Variants in NPAS3 observed in about 807,000 individuals in gnomAD.
NPAS3 encodes the protein neuronal PAS domain protein 3.
Under a neutral mutation model 73.1 loss-of-function variants are expected in NPAS3, and 14 were observed. The observed-to-expected ratio is 0.19, with a 90% confidence interval of 0.13 to 0.30. The LOEUF is 0.30. Ranked by LOEUF, NPAS3 falls within the 10% of genes least tolerant of loss-of-function variation. The pLI is 1.00. For missense variants in NPAS3, 1,096 were observed against 1,250.0 expected (o/e 0.88, Z 1.86); for synonymous variants, 620 against 541.5 (o/e 1.14, Z -2.01).
rs1026809137 is a variant in NPAS3, at chr14:33,391,109, T to G, written c.468+23841T>G. ...CAAGGCACAGAAGTCTGAAATAGTGTAAAACAAAAACAAATAATCAAATAT... is the reference window on the plus strand; with the variant it reads ...CAAGGCACAGAAGTCTGAAATAGTGGAAAACAAAAACAAATAATCAAATAT... On this transcript the variant is annotated intron_variant, in intron 4 of 11. Coordinates refer to ENST00000356141, the Ensembl canonical transcript of NPAS3. 4.7e-5 allele frequency among the ~76,000 whole-genome samples: 7 copies of G among 150,264 alleles called. No individual in the cohort carries two copies. The South Asian group carries it at 1.5e-3, about 31-fold the overall frequency.
At chr14:33,778,377 A>G in intron 8 of NPAS3, 89 bp from the exon 9 acceptor site, 1 of 916,342 alleles carries the variant, frequency 1.1e-6, no homozygotes, top group Non-Finnish European at 1.8e-6. Context: ...GTATAATGAA[A>G]TGTGTCAGTA....
At chr14:33,581,793 C>T (rs1310424005) in intron 5 of NPAS3, among the ~76,000 whole-genome samples, 1 of 152,062 alleles carries the variant, frequency 6.6e-6, no homozygotes, top group Non-Finnish European at 1.5e-5. Context: ...AGGCTGGTCT[C>T]GAATTTCTGG....
intron 7 of NPAS3, among the ~76,000 whole-genome samples, chr14:33,758,395 C>T (rs1265612825): frequency 2.0e-5 from 3 of 152,230 alleles, no homozygotes; most frequent in African/African-American, 7.2e-5. Flanking sequence ...CTCCTCTTTG[C>T]TACTTCTGCA....
intron 7 of NPAS3, among the ~76,000 whole-genome samples, chr14:33,741,479 G>A (rs1364775439): frequency 6.6e-6 from 1 of 152,092 alleles, no homozygotes; most frequent in Non-Finnish European, 1.5e-5. Flanking sequence ...ATAGAGGAGA[G>A]AACCAATAAA....
chr14:33,035,893 A>G (rs1037580574), intron 1 of NPAS3, among the ~76,000 whole-genome samples: 4 of 152,172 alleles, frequency 2.6e-5, no homozygotes, highest in African/African-American at 7.2e-5. Flanking sequence ...TGTGGCTTTC[A>G]TAGAATTGTC....
chr14:33,758,040 T>C (rs2062168824), intron 7 of NPAS3, among the ~76,000 whole-genome samples: 1 of 152,214 alleles, frequency 6.6e-6, no homozygotes, highest in African/African-American at 2.4e-5. Flanking sequence ...ATGAATGTTG[T>C]CACACTCCTA....
intron 2 of NPAS3, among the ~76,000 whole-genome samples, chr14:33,122,708 A>T (rs1290203): frequency 1.3e-5 from 2 of 151,778 alleles, no homozygotes; most frequent in East Asian, 3.9e-4. Flanking sequence ...TACAGGTTTC[A>T]CTCTTAACAC....
chr14:33,012,255 T>A (rs1442097534), intron 1 of NPAS3, among the ~76,000 whole-genome samples: 1 of 152,198 alleles, frequency 6.6e-6, no homozygotes, highest in Non-Finnish European at 1.5e-5. Context: ...TCTCAAGTGG[T>A]AGGGGTGTAG....
chr14:32,938,971 G>A (rs1025522791), upstream of NPAS3, among the ~76,000 whole-genome samples: 41 of 146,314 alleles, frequency 2.8e-4, no homozygotes, highest in African/African-American at 7.3e-4. Context: ...GGCGGCGCCG[G>A]GCGAGCAGCG....
At chr14:33,767,835 G>A (rs1369854251) in intron 7 of NPAS3, among the ~76,000 whole-genome samples, 3 of 152,170 alleles carry the variant, frequency 2.0e-5, no homozygotes, top group African/African-American at 4.8e-5. Context: ...CAGAGGGGAG[G>A]TTTTATCAAG....
At chr14:33,049,931 G>T (rs1471914007) in intron 1 of NPAS3, among the ~76,000 whole-genome samples, 1 of 152,182 alleles carries the variant, frequency 6.6e-6, no homozygotes. Flanking sequence ...TACTTTCCAA[G>T]TTGCCCTCTT....
At chr14:33,078,814 G>A (rs1031889317) in intron 2 of NPAS3, among the ~76,000 whole-genome samples, 14 of 152,170 alleles carry the variant, frequency 9.2e-5, no homozygotes, top group African/African-American at 3.1e-4. Context: ...GTTTCTTGCT[G>A]ACACAGGTGT....
chr14:33,777,388 T>G (rs1465009582), intron 8 of NPAS3, among the ~76,000 whole-genome samples: 1 of 152,226 alleles, frequency 6.6e-6, no homozygotes, highest in Admixed American at 6.5e-5. Context: ...CACTGAGAAA[T>G]TCACTCGATG....
chr14:33,693,728 A>G (rs866084614), intron 6 of NPAS3, among the ~76,000 whole-genome samples: 3 of 152,250 alleles, frequency 2.0e-5, no homozygotes, highest in Middle Eastern at 3.2e-3. Context: ...TAGTTAAAAA[A>G]TATTGTTTTC....
chr14:32,997,660 C>T (rs969933417), intron 1 of NPAS3, among the ~76,000 whole-genome samples: 2 of 151,732 alleles, frequency 1.3e-5, no homozygotes, highest in Non-Finnish European at 2.9e-5. Context: ...CGCAGTGGCT[C>T]ACGCCTGTAA....
intron 2 of NPAS3, among the ~76,000 whole-genome samples, chr14:33,156,093 C>A (rs941793218): frequency 1.8e-4 from 27 of 152,012 alleles, no homozygotes; most frequent in African/African-American, 6.5e-4. Context: ...AAAATAGGAA[C>A]TTTTCAAAAT....
intron 3 of NPAS3, among the ~76,000 whole-genome samples, chr14:33,292,172 G>T (rs562779236): frequency 6.6e-6 from 1 of 152,254 alleles, no homozygotes; most frequent in Admixed American, 6.5e-5. Context: ...TGTTTCAAAA[G>T]CATCCGTTTG....
At chr14:33,718,999 G>C (rs931877823) in intron 6 of NPAS3, among the ~76,000 whole-genome samples, 1 of 152,092 alleles carries the variant, frequency 6.6e-6, no homozygotes, top group Non-Finnish European at 1.5e-5. Context: ...GTGGTGGTGT[G>C]CATCTGTAGT....
At chr14:33,177,071 TTTATTATTATTATTA>T (rs58286290) in intron 2 of NPAS3, among the ~76,000 whole-genome samples, 1,493 of 138,308 alleles carry the variant, frequency 0.011, 24 homozygotes, top group African/African-American at 0.038. Context: ...TGTTTATCTT[TTTATTATTATTATTA>T]TTATTATTAT....
Sources: allele counts gnomAD v4.1 joint callset (sites outside exome capture counted in the v4.1 genomes callset), GRCh38; gene constraint gnomAD v4.1.1; transcripts MANE v1.5; gene names NCBI Gene and HGNC (gene_info 2026-07-23, HGNC 2026-07-21).